ARID5B: variants seen among roughly 807,000 people sequenced by gnomAD.
ARID5B encodes the protein AT-rich interaction domain 5B.
ARID5B carries 13 observed loss-of-function variants against 97.2 expected under a neutral mutation model. The observed-to-expected ratio is 0.13, with a 90% CI of 0.09 to 0.21. The LOEUF (loss-of-function observed/expected upper bound fraction) is 0.21. Ranked by LOEUF, ARID5B falls within the 10% of genes least tolerant of loss-of-function variation. The pLI is 1.00. For synonymous variants in ARID5B, 556 were observed against 570.3 expected, an observed-to-expected ratio of 0.97 and a Z score of 0.36; for missense variants, 1,210 against 1,465.3, an observed-to-expected ratio of 0.83 and a Z score of 2.84.
rs114519327 is a variant in ARID5B, at chr10:62,016,017, G to A, written c.733+15696G>A. 5.2e-3 allele frequency among the ~76,000 whole-genome samples: 786 copies of A among 152,344 alleles called. 12 individuals carry two copies. Among genetic ancestry groups the A allele is most frequent in the African/African-American group, 0.018 (754 of 41,580 alleles). ...GTGAATTGTTCGACTAAGACTCAGA[G>A]GATGGTGGAGTTTGTGCCTTTAGGA... On this transcript the variant is annotated intron_variant, in intron 4 of 9. Coordinates refer to ENST00000279873, the MANE Select transcript of ARID5B (RefSeq NM_032199.3).
chr10:61,940,123 G>T, intron 2 of ARID5B, 60 bp from the exon 3 acceptor site: 1 of 1,518,050 alleles, frequency 6.6e-7, no homozygotes, highest in Non-Finnish European at 9.1e-7. Context: ...GTGGAGAGTG[G>T]ATCATTTCCC....
chr10:61,993,601 C>T (rs1838957515), intron 3 of ARID5B, among the ~76,000 whole-genome samples: 1 of 151,860 alleles, frequency 6.6e-6, no homozygotes, highest in South Asian at 2.1e-4. Flanking sequence ...AATTTTCATG[C>T]TTAGGTTTTC....
chr10:62,057,058 T>C, intron 5 of ARID5B, 59 bp from the exon 6 acceptor site: 3 of 1,552,946 alleles, frequency 1.9e-6, no homozygotes, highest in Admixed American at 3.5e-5. Context: ...ACTAGCTATG[T>C]CTTGGTAAGC....
intron 3 of ARID5B, among the ~76,000 whole-genome samples, chr10:61,948,436 G>C (rs901527658): frequency 2.2e-5 from 3 of 135,406 alleles, no homozygotes; most frequent in Non-Finnish European, 4.6e-5. Flanking sequence ...GGCTGGATTC[G>C]GATCCCTGCA....
chr10:61,924,879 G>T (rs1314768242), intron 2 of ARID5B, among the ~76,000 whole-genome samples: 1 of 152,126 alleles, frequency 6.6e-6, no homozygotes, highest in East Asian at 1.9e-4. Context: ...GCTGGATGAT[G>T]TACCTGGGCA....
rs1224795434 is a variant in ARID5B, at chr10:62,055,838, A to G, written c.847-1279A>G. On this transcript the variant is annotated intron_variant, in intron 5 of 9. Transcript: ENST00000279873. ...GAGAATGTACTTTCCTTTACTAAAT[A>G]AGCATAGTCTTTTATGTTCTTAATG... is the stretch of plus-strand genomic sequence containing the variant. Among the ~76,000 whole-genome samples the G allele has an allele frequency of 3.3e-5, 5 of 152,146 alleles. No homozygotes were observed. In the East Asian group the frequency reaches 9.6e-4, roughly 29 times the overall value.
chr10:62,030,581 C>CA (rs910750964), intron 4 of ARID5B, among the ~76,000 whole-genome samples: 3 of 152,170 alleles, frequency 2.0e-5, no homozygotes, highest in African/African-American at 4.8e-5. Flanking sequence ...AGATCTAAGA[C>CA]AAATAACTGT....
intron 9 of ARID5B, among the ~76,000 whole-genome samples, chr10:62,086,676 G>T (rs1260023830): frequency 8.1e-6 from 1 of 122,816 alleles, no homozygotes; most frequent in African/African-American, 3.2e-5. Flanking sequence ...GGGTGACAGA[G>T]CAAGACTCCA....
At chr10:61,935,146 G>A (rs191149945) in intron 2 of ARID5B, among the ~76,000 whole-genome samples, 21 of 152,158 alleles carry the variant, frequency 1.4e-4, no homozygotes, top group East Asian at 9.6e-4. Flanking sequence ...AAATGGGGCC[G>A]ATAGACTTTC....
intron 3 of ARID5B, among the ~76,000 whole-genome samples, chr10:61,992,233 G>T (rs1838936411): frequency 1.3e-5 from 2 of 152,122 alleles, no homozygotes; most frequent in African/African-American, 4.8e-5. Flanking sequence ...TGGCTAAGAT[G>T]AACCCTATGG....
intron 3 of ARID5B, among the ~76,000 whole-genome samples, chr10:61,967,032 C>T (rs1177715746): frequency 6.6e-6 from 1 of 151,798 alleles, no homozygotes; most frequent in Non-Finnish European, 1.5e-5. Flanking sequence ...GCCTTTTTTT[C>T]CCCCAGAACG....
intron 3 of ARID5B, among the ~76,000 whole-genome samples, chr10:61,950,651 C>T (rs1020137165): frequency 2.6e-5 from 4 of 152,156 alleles, no homozygotes; most frequent in African/African-American, 9.7e-5. Flanking sequence ...GCCTGGGCAA[C>T]CCACACTGCA....
intron 1 of ARID5B, 138 bp from the exon 2 acceptor site, chr10:61,902,021 T>G (rs767331772): frequency 8.9e-7 from 1 of 1,125,598 alleles, no homozygotes; most frequent in East Asian, 2.4e-5. Flanking sequence ...TGGGTGCTAT[T>G]ATTTTTCCAC....
chr10:61,902,780 G>A (rs763128670), intron 2 of ARID5B, among the ~76,000 whole-genome samples: 2 of 151,388 alleles, frequency 1.3e-5, no homozygotes, highest in Non-Finnish European at 2.9e-5. Context: ...TTTGCCTTTT[G>A]AAAATTTACC....
At chr10:62,077,385 AT>A (rs1325388727) in intron 8 of ARID5B, among the ~76,000 whole-genome samples, 6 of 152,368 alleles carry the variant, frequency 3.9e-5, no homozygotes, top group African/African-American at 1.4e-4. Flanking sequence ...CTATTTAAAA[AT>A]TCTTAAATTT....
intron 2 of ARID5B, among the ~76,000 whole-genome samples, chr10:61,928,243 A>G (rs1268791109): frequency 6.6e-6 from 1 of 151,978 alleles, no homozygotes; most frequent in Non-Finnish European, 1.5e-5. Flanking sequence ...CGATTCCTTT[A>G]CATCCCAACA....
chr10:61,904,772 A>T (rs958812402), intron 2 of ARID5B, among the ~76,000 whole-genome samples: 1 of 152,246 alleles, frequency 6.6e-6, no homozygotes, highest in Non-Finnish European at 1.5e-5. Flanking sequence ...AACAATTTTC[A>T]ATTGAGATAA....
intron 4 of ARID5B, among the ~76,000 whole-genome samples, chr10:62,045,031 A>G (rs768221443): frequency 4.3e-4 from 65 of 152,266 alleles, no homozygotes; most frequent in Non-Finnish European, 7.8e-4. Flanking sequence ...TATATGAAAT[A>G]TAACTGTGGA....
chr10:61,963,332 G>T (rs902673876), intron 3 of ARID5B, among the ~76,000 whole-genome samples: 1 of 152,042 alleles, frequency 6.6e-6, no homozygotes, highest in Non-Finnish European at 1.5e-5. Flanking sequence ...ATTCTAAAAA[G>T]GAAAACATTA....
Sources: allele counts gnomAD v4.1 joint callset (sites outside exome capture counted in the v4.1 genomes callset), GRCh38; gene constraint gnomAD v4.1.1; transcripts MANE v1.5; gene names NCBI Gene and HGNC (gene_info 2026-07-23, HGNC 2026-07-21).